GPD1L: variants seen among roughly 807,000 people sequenced by gnomAD.
The protein encoded by GPD1L is glycerol-3-phosphate dehydrogenase 1-like protein.
A neutral mutation model predicts 32.9 loss-of-function variants in GPD1L; 17 were observed. The observed-to-expected ratio is 0.52, with a 90% CI of 0.35 to 0.78. GPD1L has a LOEUF of 0.78. Ranked by LOEUF, GPD1L falls within the 30% of genes least tolerant of loss-of-function variation. GPD1L has a pLI of 0.01. For synonymous variants in GPD1L, 187 were observed against 165.9 expected (o/e 1.13, Z -0.98); for missense variants, 361 against 447.8 (o/e 0.81, Z 1.75).
At chr3:32,108,930 A>G (rs189383125) in intron 1 of GPD1L, among the ~76,000 whole-genome samples, 1 of 152,274 alleles carries the variant, frequency 6.6e-6, no homozygotes, top group African/African-American at 2.4e-5. Context: ...GCTCACTGCA[A>G]GCTCCGCTTC....
chr3:32,158,540 C>A, intron 5 of GPD1L: 1 of 433,788 alleles, frequency 2.3e-6, no homozygotes, highest in Non-Finnish European at 4.3e-6. Flanking sequence ...TTGCATAAAG[C>A]ATTCCATTTA....
chr3:32,151,079 C>G (rs1371579501), intron 5 of GPD1L: 5 of 376,094 alleles, frequency 1.3e-5, no homozygotes, highest in Non-Finnish European at 2.7e-5. Context: ...ATTTTTCACA[C>G]CTATTATGCA....
chr3:32,111,655 A>G (rs1700248185), intron 1 of GPD1L, among the ~76,000 whole-genome samples: 2 of 152,086 alleles, frequency 1.3e-5, no homozygotes, highest in Non-Finnish European at 2.9e-5. Context: ...AGATGAGGAG[A>G]GAGGCTGATA....
At chr3:32,145,120 A>G (rs1370821042) in intron 4 of GPD1L, among the ~76,000 whole-genome samples, 1 of 151,548 alleles carries the variant, frequency 6.6e-6, no homozygotes, top group South Asian at 2.1e-4. Flanking sequence ...GGAGTTCGAG[A>G]CCAGCCTGGC....
chr3:32,148,309 T>C (rs28620383), intron 5 of GPD1L, among the ~76,000 whole-genome samples: 81,769 of 151,994 alleles, frequency 0.54, 25,353 homozygotes, highest in East Asian at 0.89. Flanking sequence ...CTTCTGCTAA[T>C]GGGAACCCAT....
intron 4 of GPD1L, among the ~76,000 whole-genome samples, chr3:32,142,857 T>G (rs1700766521): frequency 6.6e-6 from 1 of 152,182 alleles, no homozygotes; most frequent in African/African-American, 2.4e-5. Context: ...CTTCTATGCC[T>G]TCTCTGTGGG....
chr3:32,134,879 G>T (rs962394788), intron 2 of GPD1L, among the ~76,000 whole-genome samples: 1 of 152,210 alleles, frequency 6.6e-6, no homozygotes, highest in Admixed American at 6.5e-5. Flanking sequence ...TGATGAATAC[G>T]CTTTCATTTG....
chr3:32,113,803 C>T (rs951007674), intron 1 of GPD1L, among the ~76,000 whole-genome samples: 1 of 152,208 alleles, frequency 6.6e-6, no homozygotes, highest in Non-Finnish European at 1.5e-5. Context: ...AGCCTAGGCT[C>T]ACTCATATGG....
intron 1 of GPD1L, among the ~76,000 whole-genome samples, chr3:32,119,081 G>T (rs1002317011): frequency 2.0e-5 from 3 of 152,202 alleles, no homozygotes; most frequent in African/African-American, 7.2e-5. Context: ...GAACATGGGT[G>T]TACAAATACC....
rs1471870007 is a variant in GPD1L, at chr3:32,140,352, G to A, written c.491G>A (p.Cys164Tyr). ...IANEVAAEKF[C>Y]ETTIGSKVME... The stretch of plus-strand genomic sequence containing the variant: ...AATGAGGTGGCTGCAGAGAAGTTCT[G>A]TGAGACCACCATCGGTAAGCACTGC... Residue 164 changes from cysteine to tyrosine, a missense_variant, in exon 4 of 8, where the codon TGT becomes TAT. Cys to Tyr is a radical substitution (Grantham distance 194). Coordinates refer to ENST00000282541, the MANE Select transcript of GPD1L (RefSeq NM_015141.4). 6 of 1,614,008 alleles carry A rather than the reference G, an allele frequency of 3.7e-6. No individual in the cohort carries two copies. The highest frequency in any genetic ancestry group is 1.1e-5 in the South Asian group (1 of 91,082).
chr3:32,121,624 T>TAA (rs1553657530), intron 1 of GPD1L, among the ~76,000 whole-genome samples: 4 of 65,856 alleles, frequency 6.1e-5, no homozygotes, highest in African/African-American at 2.7e-4. Context: ...TCTATATATA[T>TAA]TATATATATT....
chr3:32,142,321 G>A (rs766457137), intron 4 of GPD1L, among the ~76,000 whole-genome samples: 34 of 152,064 alleles, frequency 2.2e-4, no homozygotes, highest in African/African-American at 7.7e-4. Context: ...GTTTCACCAT[G>A]TTGGCCAGGA....
Position 32,106,773 on chromosome 3 carries a change from G to C in GPD1L, c.47+15G>C, listed in dbSNP as rs779022951. 1.3e-6 allele frequency: 2 copies of C among 1,557,640 alleles called. No homozygotes were observed. Among genetic ancestry groups the C allele is most frequent in the South Asian group, 2.4e-5 (2 of 85,010 alleles). ...TCGGGGAACTGGTGAGCGGCGGCGG[G>C]CTGGAGGCCGGGGCTCCGCTTCCAG... On this transcript the variant is annotated intron_variant, in intron 1 of 7. Transcript: ENST00000282541. This position sits in a 1 kb window ranked among gnomAD's most constrained non-coding sequence, Gnocchi z 4.0.
rs79506107 is a variant in GPD1L at position 32,134,249 on chromosome 3, G to T, written c.226-4338G>T. Among the ~76,000 whole-genome samples, 3,604 of 152,236 alleles carry T rather than the reference G, an allele frequency of 0.024. 295 individuals carry two copies. In the East Asian group the frequency reaches 0.25, roughly 11 times the overall value. On this transcript the variant is annotated intron_variant, in intron 2 of 7. Transcript: ENST00000282541. ...AGCTGATAAGAACTTGTTCTGATAC[G>T]GTGTAAGAGGAATAATGTTCTGTGA...
intron 4 of GPD1L, among the ~76,000 whole-genome samples, chr3:32,143,034 A>G (rs867793449): frequency 6.6e-6 from 1 of 152,128 alleles, no homozygotes; most frequent in African/African-American, 2.4e-5. Flanking sequence ...AAATTTTTTA[A>G]TTAGCCTGGT....
chr3:32,155,720 G>A (rs1339937161), intron 5 of GPD1L, among the ~76,000 whole-genome samples: 1 of 152,172 alleles, frequency 6.6e-6, no homozygotes, highest in Non-Finnish European at 1.5e-5. Context: ...CCCCAGTACT[G>A]GTTGCAGCCC....
At chr3:32,162,263 T>G (rs1701083030) in intron 7 of GPD1L, among the ~76,000 whole-genome samples, 1 of 152,234 alleles carries the variant, frequency 6.6e-6, no homozygotes, top group Non-Finnish European at 1.5e-5. Context: ...CTTAGGCAGA[T>G]GTGGCCCCCC....
In GPD1L at chr3:32,167,804, T is replaced by G. The variant is rs1431282386; in HGVS notation, c.*1894T>G. 6.6e-6 allele frequency: 1 copy of G among 152,224 alleles called. No homozygotes were observed. Among genetic ancestry groups the G allele is most frequent in the Non-Finnish European group, 1.5e-5 (1 of 68,036 alleles). The allele number at this position is 152,224 out of a possible 1,614,324, so 9.4% of individuals were successfully genotyped here. On this transcript the variant is annotated 3_prime_UTR_variant, in exon 8 of 8. Coordinates refer to ENST00000282541, the MANE Select transcript of GPD1L (RefSeq NM_015141.4). ...TATAAAATAGATTTTCATGGGAATT[T>G]TAAAAACTCTATCCAAAACATTTTT...
intron 2 of GPD1L, among the ~76,000 whole-genome samples, chr3:32,128,917 CAGA>C (rs1350432422): frequency 6.6e-6 from 1 of 152,156 alleles, no homozygotes; most frequent in Non-Finnish European, 1.5e-5. Flanking sequence ...GCCTAAATTA[CAGA>C]AGGAGATAGA....
Sources: allele counts gnomAD v4.1 joint callset (sites outside exome capture counted in the v4.1 genomes callset), GRCh38; gene constraint gnomAD v4.1.1; non-coding constraint Gnocchi (gnomAD v3.1); transcripts MANE v1.5; gene names NCBI Gene and HGNC (gene_info 2026-07-23, HGNC 2026-07-21).